NR2F1-AS1: variants seen among roughly 807,000 people sequenced by gnomAD.
The protein encoded by NR2F1-AS1 is NR2F1 regulatory antisense RNA 1, also known as NR2F1 antisense RNA 1.
chr5:93,529,294 G>A (rs1751685327), intron 4 of NR2F1-AS1, among the ~76,000 whole-genome samples: 1 of 152,136 alleles, frequency 6.6e-6, no homozygotes, highest in South Asian at 2.1e-4. Context: ...CAATTGTACT[G>A]AGACTGAAAG....
At chr5:93,430,141 A>G (rs1749279448) in intron 4 of NR2F1-AS1, among the ~76,000 whole-genome samples, 1 of 152,242 alleles carries the variant, frequency 6.6e-6, no homozygotes, top group Non-Finnish European at 1.5e-5. Context: ...AGGAGCCACA[A>G]TAGCAGACTG....
At chr5:93,418,534 C>G (rs1166230441) in intron 4 of NR2F1-AS1, among the ~76,000 whole-genome samples, 1 of 151,940 alleles carries the variant, frequency 6.6e-6, no homozygotes, top group African/African-American at 2.4e-5. Context: ...TGCAGTAAGC[C>G]AAGATTGCAC....
At chr5:93,419,788 T>C (rs1462930302) in intron 4 of NR2F1-AS1, among the ~76,000 whole-genome samples, 1 of 152,006 alleles carries the variant, frequency 6.6e-6, no homozygotes, top group Non-Finnish European at 1.5e-5. Context: ...AAAGAAATAA[T>C]ACAAAAATAA....
intron 4 of NR2F1-AS1, among the ~76,000 whole-genome samples, chr5:93,462,325 T>A (rs1260699854): frequency 1.3e-5 from 2 of 152,166 alleles, no homozygotes. Flanking sequence ...ACAAGCTCTC[T>A]TCTCTTGTCC....
chr5:93,420,055 G>A (rs896242750), intron 4 of NR2F1-AS1, among the ~76,000 whole-genome samples: 9 of 152,132 alleles, frequency 5.9e-5, no homozygotes, highest in Admixed American at 2.6e-4. Flanking sequence ...AATTAGCCAG[G>A]TGTGGTGGTG....
At chr5:93,552,663 A>T (rs1752257796) in intron 4 of NR2F1-AS1, among the ~76,000 whole-genome samples, 1 of 151,644 alleles carries the variant, frequency 6.6e-6, no homozygotes, top group South Asian at 2.1e-4. Flanking sequence ...GAAAGATAAT[A>T]ACAATTACAA....
At chr5:93,471,223 T>G (rs1291724386) in intron 4 of NR2F1-AS1, among the ~76,000 whole-genome samples, 4 of 151,874 alleles carry the variant, frequency 2.6e-5, no homozygotes, top group African/African-American at 9.7e-5. Context: ...CATTCTTCTG[T>G]CCGAAAGTCT....
intron 4 of NR2F1-AS1, among the ~76,000 whole-genome samples, chr5:93,504,505 A>G (rs1751146075): frequency 6.6e-6 from 1 of 152,194 alleles, no homozygotes; most frequent in Admixed American, 6.5e-5. Context: ...CTCATCTTAT[A>G]AGACTAGGGT....
chr5:93,419,395 A>G (rs989189854), intron 4 of NR2F1-AS1, among the ~76,000 whole-genome samples: 5 of 152,234 alleles, frequency 3.3e-5, no homozygotes, highest in Non-Finnish European at 4.4e-5. Context: ...GTGATATTCA[A>G]GTAAAAACAT....
intron 4 of NR2F1-AS1, among the ~76,000 whole-genome samples, chr5:93,546,072 G>A (rs1480575238): frequency 1.3e-5 from 2 of 152,108 alleles, no homozygotes; most frequent in Admixed American, 1.3e-4. Flanking sequence ...GTATAACTGT[G>A]GGCAAGTTAA....
chr5:93,457,795 G>A (rs1006104583), intron 4 of NR2F1-AS1, among the ~76,000 whole-genome samples: 14 of 151,460 alleles, frequency 9.2e-5, no homozygotes, highest in African/African-American at 2.4e-5. Context: ...TGCCCAAGTC[G>A]GTGGCTCTGC....
chr5:93,444,704 T>C (rs1046977823), intron 4 of NR2F1-AS1, among the ~76,000 whole-genome samples: 5 of 152,308 alleles, frequency 3.3e-5, no homozygotes, highest in Middle Eastern at 3.4e-3. Context: ...GCAGACCTAA[T>C]AGACATCTAC....
At chr5:93,538,070 T>C (rs1283830168) in intron 4 of NR2F1-AS1, among the ~76,000 whole-genome samples, 2 of 152,178 alleles carry the variant, frequency 1.3e-5, no homozygotes, top group Non-Finnish European at 2.9e-5. Context: ...CTAGGGCTAG[T>C]TCCTTCCTTG....
intron 4 of NR2F1-AS1, among the ~76,000 whole-genome samples, chr5:93,418,708 G>A (rs1291589871): frequency 6.6e-6 from 1 of 152,150 alleles, no homozygotes. Context: ...TTACCTGACT[G>A]GTTTGTCCAC....
At chr5:93,512,186 T>A (rs1039339810) in intron 4 of NR2F1-AS1, among the ~76,000 whole-genome samples, 1 of 152,134 alleles carries the variant, frequency 6.6e-6, no homozygotes, top group Admixed American at 6.6e-5. Context: ...AGATGTGGGA[T>A]GGAAGACAAC....
At position 93,568,929 on chromosome 5, in the gene NR2F1-AS1, C is replaced by T. The variant is rs144388237; in HGVS notation, n.314-5466G>A. ...CCTTGACAGTGACAAGAGCAAAACC[C>T]TTCTTTTCTAGACTGCTTTGGGCCC... On this transcript the variant is annotated intron_variant and non_coding_transcript_variant, in intron 1 of 5. Transcript: ENST00000660523. 2.2e-3 allele frequency among the ~76,000 whole-genome samples: 331 copies of T among 152,280 alleles called. 1 individual carries two copies. Among genetic ancestry groups the T allele is most frequent in the Middle Eastern group, 3.4e-3 (1 of 294 alleles).
At chr5:93,574,674 CTTTG>C (rs1561513738) in intron 1 of NR2F1-AS1, among the ~76,000 whole-genome samples, 2 of 152,144 alleles carry the variant, frequency 1.3e-5, no homozygotes, top group Admixed American at 6.5e-5. Flanking sequence ...TTCTCTGTGA[CTTTG>C]TTTGATTTTT....
chr5:93,512,174 C>T (rs566271055), intron 4 of NR2F1-AS1, among the ~76,000 whole-genome samples: 1 of 152,196 alleles, frequency 6.6e-6, no homozygotes, highest in South Asian at 2.1e-4. Context: ...CCCAGTGGGA[C>T]AAGATGTGGG....
At position 93,533,616 on chromosome 5, in the gene NR2F1-AS1, G is replaced by C. The variant is rs182099699; in HGVS notation, n.638+20145C>G. On this transcript the variant is annotated intron_variant and non_coding_transcript_variant, in intron 4 of 5. Transcript: ENST00000660523. ...TCTTTTTTAATCTAAGAATGATGAT[G>C]ATGATAGGTAACATTTATTGAATGT... is the stretch of plus-strand genomic sequence containing the variant. Among the ~76,000 whole-genome samples the C allele has an allele frequency of 1.8e-4, 28 of 152,166 alleles. No individual in the cohort carries two copies. The East Asian group carries it at 5.0e-3, about 27-fold the overall frequency.
Sources: gnomAD v4.1 joint callset for allele counts (sites outside exome capture counted in the v4.1 genomes callset) on GRCh38, gnomAD v4.1.1 for gene constraint, MANE v1.5 for transcripts, NCBI Gene and HGNC (gene_info 2026-07-23, HGNC 2026-07-21) for gene names.